Variants in TCF7L1 observed in about 807,000 individuals in gnomAD.
The protein encoded by TCF7L1 is transcription factor 7-like 1.
A neutral mutation model predicts 63.7 loss-of-function variants in TCF7L1; 18 were observed. The observed-to-expected ratio is 0.28, with a 90% CI of 0.20 to 0.42. The LOEUF (loss-of-function observed/expected upper bound fraction) is 0.42, where lower values mean the gene tolerates loss of function less well. Among genes scored for constraint, TCF7L1 ranks in the 10% least tolerant of loss-of-function variants. The pLI, the probability that TCF7L1 is intolerant of heterozygous loss-of-function variation, is 1.00. For synonymous variants in TCF7L1, 355 were observed against 340.9 expected (o/e 1.04, Z -0.46); for missense variants, 654 against 779.3 (o/e 0.84, Z 1.91).
intron 3 of TCF7L1, among the ~76,000 whole-genome samples, chr2:85,248,566 A>G (rs1049289923): frequency 6.6e-6 from 1 of 152,096 alleles, no homozygotes; most frequent in Non-Finnish European, 1.5e-5. Flanking sequence ...TGCAGAGGAG[A>G]AATGGTGAAC....
At chr2:85,256,165 G>A (rs960358399) in intron 3 of TCF7L1, among the ~76,000 whole-genome samples, 10 of 152,202 alleles carry the variant, frequency 6.6e-5, no homozygotes, top group African/African-American at 2.2e-4. Context: ...TAACTAGTTC[G>A]GGCAGTTTCT....
At chr2:85,153,449 C>T (rs2104208657) in intron 3 of TCF7L1, among the ~76,000 whole-genome samples, 1 of 150,122 alleles carries the variant, frequency 6.7e-6, no homozygotes, top group Admixed American at 6.7e-5. Context: ...TCACGCCATT[C>T]TCCTGCCTCA....
At chr2:85,238,680 A>G (rs1680251354) in intron 3 of TCF7L1, among the ~76,000 whole-genome samples, 1 of 152,206 alleles carries the variant, frequency 6.6e-6, no homozygotes, top group African/African-American at 2.4e-5. Context: ...ACACCCAGAC[A>G]GTAATGATAC....
At chr2:85,238,858 C>T (rs960907323) in intron 3 of TCF7L1, among the ~76,000 whole-genome samples, 2 of 151,532 alleles carry the variant, frequency 1.3e-5, no homozygotes, top group Admixed American at 6.6e-5. Context: ...CTTACTCTGT[C>T]GCCCAGACTG....
At chr2:85,266,697 G>A (rs1012666435) in intron 3 of TCF7L1, among the ~76,000 whole-genome samples, 2 of 152,210 alleles carry the variant, frequency 1.3e-5, no homozygotes, top group Admixed American at 1.3e-4. Context: ...CATGCCTTAC[G>A]GCTTATCCAT....
intron 3 of TCF7L1, among the ~76,000 whole-genome samples, chr2:85,147,403 A>C (rs2248079): frequency 6.6e-6 from 1 of 151,314 alleles, no homozygotes; most frequent in Non-Finnish European, 1.5e-5. Context: ...CTCTTTCCCC[A>C]CCCCTCCCCA....
At chr2:85,169,984 A>G (rs370731866) in intron 3 of TCF7L1, among the ~76,000 whole-genome samples, 2 of 152,264 alleles carry the variant, frequency 1.3e-5, no homozygotes, top group South Asian at 4.1e-4. Flanking sequence ...AGAAGAGCCA[A>G]CAATACTTTC....
intron 3 of TCF7L1, among the ~76,000 whole-genome samples, chr2:85,171,181 C>G (rs1013222153): frequency 1.3e-5 from 2 of 152,160 alleles, no homozygotes; most frequent in Non-Finnish European, 2.9e-5. Context: ...ACCATCAGCT[C>G]TCATGAGACT....
At chr2:85,202,136 G>A (rs1181829614) in intron 3 of TCF7L1, among the ~76,000 whole-genome samples, 1 of 151,798 alleles carries the variant, frequency 6.6e-6, no homozygotes, top group African/African-American at 2.4e-5. Context: ...TTAATGTTTT[G>A]TATTTTTAGT....
intron 4 of TCF7L1, among the ~76,000 whole-genome samples, chr2:85,296,107 TACTC>T: frequency 6.6e-6 from 1 of 152,322 alleles, no homozygotes; most frequent in Non-Finnish European, 1.5e-5. Flanking sequence ...GTCATTATCT[TACTC>T]ACAATATAGA....
intron 3 of TCF7L1, among the ~76,000 whole-genome samples, chr2:85,261,126 GTGTGT>G (rs1558649402): frequency 0.15 from 16,526 of 106,824 alleles, 1,037 homozygotes; most frequent in South Asian, 0.2. Context: ...TATTGCTGGT[GTGTGT>G]GTGTGTGTGT....
chr2:85,278,212 G>A (rs1048644380), intron 3 of TCF7L1, among the ~76,000 whole-genome samples: 4 of 152,222 alleles, frequency 2.6e-5, no homozygotes, highest in Admixed American at 6.5e-5. Context: ...CGAGATCCAC[G>A]TTGAGCAGAA....
intron 3 of TCF7L1, among the ~76,000 whole-genome samples, chr2:85,229,455 A>G (rs1680025909): frequency 6.6e-6 from 1 of 152,218 alleles, no homozygotes; most frequent in African/African-American, 2.4e-5. Flanking sequence ...ATGGAGAGAG[A>G]AAGAACTGGA....
chr2:85,175,921 G>A (rs1289400911), intron 3 of TCF7L1, among the ~76,000 whole-genome samples: 1 of 152,240 alleles, frequency 6.6e-6, no homozygotes, highest in Non-Finnish European at 1.5e-5. Context: ...TGTTGTTCCT[G>A]AAGACGCATT....
At chr2:85,224,504 T>G (rs1451327616) in intron 3 of TCF7L1, among the ~76,000 whole-genome samples, 1 of 152,234 alleles carries the variant, frequency 6.6e-6, no homozygotes, top group African/African-American at 2.4e-5. Flanking sequence ...AATCTCATTG[T>G]GTTTTTGATT....
At chr2:85,167,727 G>T (rs1005284176) in intron 3 of TCF7L1, among the ~76,000 whole-genome samples, 3 of 152,148 alleles carry the variant, frequency 2.0e-5, no homozygotes, top group Non-Finnish European at 2.9e-5. Flanking sequence ...AGCTGAGCAT[G>T]GTGGCACATG....
chr2:85,186,052 T>G (rs61342907), intron 3 of TCF7L1, among the ~76,000 whole-genome samples: 1 of 149,138 alleles, frequency 6.7e-6, no homozygotes, highest in Non-Finnish European at 1.5e-5. Context: ...CTGCAAGCTC[T>G]GCCTCCCAGG....
chr2:85,247,537 T>G (rs115891095), intron 3 of TCF7L1, among the ~76,000 whole-genome samples: 4 of 152,340 alleles, frequency 2.6e-5, no homozygotes, highest in Non-Finnish European at 5.9e-5. Context: ...CTTGCAAAAC[T>G]TAAACAAATG....
chr2:85,211,734 C>T (rs1203860133), intron 3 of TCF7L1, among the ~76,000 whole-genome samples: 6 of 152,158 alleles, frequency 3.9e-5, no homozygotes, highest in African/African-American at 1.4e-4. Context: ...GGCCCACATC[C>T]CTTGTAGCTG....
Sources: gnomAD v4.1 joint callset for allele counts (sites outside exome capture counted in the v4.1 genomes callset) on GRCh38, gnomAD v4.1.1 for gene constraint, MANE v1.5 for transcripts, NCBI Gene and HGNC (gene_info 2026-07-23, HGNC 2026-07-21) for gene names.